Variants in SOX10 observed in about 807,000 individuals in gnomAD.
The protein encoded by SOX10 is transcription factor SOX-10.
A neutral mutation model predicts 35.0 loss-of-function variants in SOX10; 3 were observed. The ratio of observed to expected loss-of-function variants is 0.09; its 90% CI spans 0.04 to 0.22. The LOEUF (loss-of-function observed/expected upper bound fraction) is 0.22. Ranked by LOEUF, SOX10 falls within the 10% of genes least tolerant of loss-of-function variation. SOX10 has a pLI of 1.00. For synonymous variants in SOX10, 285 were observed against 291.0 expected (o/e 0.98, Z 0.21); for missense variants, 436 against 655.1 (o/e 0.67, Z 3.65).
At position 37,978,150 on chromosome 22, in the gene SOX10, G is replaced by A. The variant is rs1294713072; in HGVS notation, c.429-15C>T. 2.9e-5 allele frequency: 45 copies of A among 1,538,254 alleles called. No homozygotes were observed. Among genetic ancestry groups the A allele is most frequent in the Non-Finnish European group, 3.8e-5 (44 of 1,143,340 alleles). ...CGTTCAGCAGCCTGGGGTGTGGTGGGAGGCGGAGAGGACAGCAGAGGGGCT... is the reference window on the plus strand; with the variant it reads ...CGTTCAGCAGCCTGGGGTGTGGTGGAAGGCGGAGAGGACAGCAGAGGGGCT... On this transcript the variant is annotated splice_polypyrimidine_tract_variant and intron_variant, in intron 2 of 3. Coordinates refer to ENST00000396884, the MANE Select transcript of SOX10 (RefSeq NM_006941.4). The surrounding 1 kb of genome is among the most constrained non-coding windows in gnomAD (Gnocchi z 5.0).
Position 37,983,902 on chromosome 22 carries a change from G to T in SOX10, c.-84-34C>A. On this transcript the variant is annotated intron_variant, in intron 1 of 3. Transcript: ENST00000396884. This position sits in a 1 kb window ranked among gnomAD's most constrained non-coding sequence, Gnocchi z 9.5. ...AAGGAGGGCGCGATGGAGCGGCCGCGCGCGCAGCCCCGAGGGCGGCCCGAG... is the reference window on the plus strand; with the variant it reads ...AAGGAGGGCGCGATGGAGCGGCCGCTCGCGCAGCCCCGAGGGCGGCCCGAG... 1.1e-6 allele frequency: 1 copy of T among 889,400 alleles called. No individual in the cohort carries two copies. The highest frequency in any genetic ancestry group is 1.5e-6 in the Non-Finnish European group (1 of 666,476). 55.1% of individuals were successfully genotyped at this position (889,400 alleles called of 1,614,324 possible). A position where few individuals can be genotyped will look rare whatever the true frequency, so the allele number is the denominator to read the frequency against.
Position 37,974,347 on chromosome 22 carries a change from G to GTTTTTTTTTTTTTTTTTTTT in SOX10, c.698-150_698-149insAAAAAAAAAAAAAAAAAAAA, listed in dbSNP as rs916489152. Reference sequence around the variant, plus strand: ...TTCACATTTTGGCAGCATGAGTCGGGTTTTTTTTTGTTTTTTTTTTTTGAG... The same window carrying GTTTTTTTTTTTTTTTTTTTT: ...TTCACATTTTGGCAGCATGAGTCGGGTTTTTTTTTTTTTTTTTTTTTTTTTTTTTGTTTTTTTTTTTTGAG... On this transcript the variant is annotated intron_variant, in intron 3 of 3. Transcript: ENST00000396884. This position sits in a 1 kb window ranked among gnomAD's most constrained non-coding sequence, Gnocchi z 5.4. The GTTTTTTTTTTTTTTTTTTTT allele has an allele frequency of 1.7e-6, 1 of 581,626 alleles. No homozygotes were observed. The highest frequency in any genetic ancestry group is 2.0e-5 in the African/African-American group (1 of 49,516). The allele number at this position is 581,626 out of a possible 1,614,324, so 36.0% of individuals were successfully genotyped here.
At chr22:37,981,334 C>CCT (rs2145774035) in intron 2 of SOX10, among the ~76,000 whole-genome samples, 1 of 152,316 alleles carries the variant, frequency 6.6e-6, no homozygotes, top group South Asian at 2.1e-4. Context: ...AGGGAGCCAC[C>CCT]CTCTGTTGGC....
In SOX10 at chr22:37,983,267, C is replaced by T. The variant is rs2145776686; in HGVS notation, c.428+90G>A. 3 of 1,432,198 alleles carry T rather than the reference C, an allele frequency of 2.1e-6. No individual in the cohort carries two copies. The East Asian group carries it at 7.4e-5, about 35-fold the overall frequency. 88.7% of individuals were successfully genotyped at this position (1,432,198 alleles called of 1,614,324 possible). Reference sequence around the variant, plus strand: ...CAAGGAGGACTGCCAGACAGTCCCGCTCTGAGGTGCAGGAGGCCGGGCCGC... The same window carrying T: ...CAAGGAGGACTGCCAGACAGTCCCGTTCTGAGGTGCAGGAGGCCGGGCCGC... On this transcript the variant is annotated intron_variant, in intron 2 of 3. Coordinates refer to ENST00000396884, the MANE Select transcript of SOX10 (RefSeq NM_006941.4). This position sits in a 1 kb window ranked among gnomAD's most constrained non-coding sequence, Gnocchi z 9.5.
chr22:37,982,793 A>C (rs1932441556), intron 2 of SOX10, among the ~76,000 whole-genome samples: 1 of 152,146 alleles, frequency 6.6e-6, no homozygotes, highest in African/African-American at 2.4e-5. Context: ...GGCGTCAGAA[A>C]GTCCCAGGGA....
chr22:37,981,107 G>A (rs1262318728), intron 2 of SOX10, among the ~76,000 whole-genome samples: 2 of 152,210 alleles, frequency 1.3e-5, no homozygotes, highest in East Asian at 3.8e-4. Context: ...GCTCCAGTGT[G>A]TCTGATCCCA....
In SOX10 at chr22:37,980,006, C is replaced by T. The variant is rs1024515656; in HGVS notation, c.429-1871G>A. ...GTGGTCATGCCAGGCACCTCCTAGC[C>T]GGCAGCAGCATTCCTCTGCGGCTTA... On this transcript the variant is annotated intron_variant, in intron 2 of 3. Transcript: ENST00000396884. This position sits in a 1 kb window ranked among gnomAD's most constrained non-coding sequence, Gnocchi z 4.1. Among the ~76,000 whole-genome samples the T allele has an allele frequency of 3.3e-5, 5 of 152,124 alleles. No homozygotes were observed. The highest frequency in any genetic ancestry group is 1.3e-4 in the Admixed American group (2 of 15,272).
rs537184160 is a variant in SOX10, at chr22:37,973,858, T to C, written c.1038A>G (p.Ser346=). 36 of 1,608,084 alleles carry C rather than the reference T, an allele frequency of 2.2e-5. No homozygotes were observed. In the African/African-American group the frequency reaches 4.4e-4, roughly 20 times the overall value. ...KPPGVALPTV[S]PPGVDAKAQV... is the part of the protein sequence containing the mutation. ...GGGCTTTGGCATCCACACCAGGTGG[T>C]GAGACCGTGGGCAGAGCCACGCCTG... is the stretch of plus-strand genomic sequence containing the variant. The change falls in exon 4 of 4, where the codon TCA becomes TCG. Residue 346 remains serine (S), a synonymous_variant. Coordinates refer to ENST00000396884, the MANE Select transcript of SOX10 (RefSeq NM_006941.4).
chr22:37,973,025 A>C lies in SOX10; in HGVS notation c.*470T>G. On this transcript the variant is annotated 3_prime_UTR_variant, in exon 4 of 4. Transcript: ENST00000396884. ...GTGGGAGACACGGCCAGCTCCGGGC[A>C]CAGTCTCTGGGTGGCCTAGCCCTTA... The C allele has an allele frequency of 6.3e-6, 1 of 157,788 alleles. No homozygotes were observed. Among genetic ancestry groups the C allele is most frequent in the Non-Finnish European group, 1.4e-5 (1 of 71,712 alleles). 9.8% of individuals were successfully genotyped at this position (157,788 alleles called of 1,614,324 possible). A position where few individuals can be genotyped will look rare whatever the true frequency, so the allele number is the denominator to read the frequency against.
chr22:37,982,079 A>G (rs3026649), intron 2 of SOX10, among the ~76,000 whole-genome samples: 5,293 of 152,266 alleles, frequency 0.035, 296 homozygotes, highest in African/African-American at 0.12. Context: ...CTCCTCTGAC[A>G]AAGCCCTAAT....
In SOX10 at chr22:37,980,072, C is replaced by T. The variant is rs187744640; in HGVS notation, c.429-1937G>A. ...CCCCCCACCCCGGCCCTGAGCCCAGCCCTAGCCCCAGCTTTCTCAGAGGGT... is the reference window on the plus strand; with the variant it reads ...CCCCCCACCCCGGCCCTGAGCCCAGTCCTAGCCCCAGCTTTCTCAGAGGGT... On this transcript the variant is annotated intron_variant, in intron 2 of 3. Coordinates refer to ENST00000396884, the MANE Select transcript of SOX10 (RefSeq NM_006941.4). The surrounding 1 kb of genome is among the most constrained non-coding windows in gnomAD (Gnocchi z 4.1). 2.4e-3 allele frequency among the ~76,000 whole-genome samples: 367 copies of T among 152,310 alleles called. 1 individual carries two copies. Among genetic ancestry groups the T allele is most frequent in the African/African-American group, 8.5e-3 (353 of 41,564 alleles).
In SOX10 at chr22:37,973,945, G is replaced by A; in HGVS notation, c.951C>T (p.Gly317=). Residue 317 remains glycine (G), a synonymous_variant, in exon 4 of 4, where the codon GGC becomes GGT. Coordinates refer to ENST00000396884, the MANE Select transcript of SOX10 (RefSeq NM_006941.4). The stretch of plus-strand genomic sequence containing the variant: ...CGGCCAGGGCACTGCCCAGCCCATA[G>A]CCGGCTGCTGAGTAGCTGCTCACAT... ...PGHVSSYSAA[G]YGLGSALAVA... is the part of the protein sequence containing the mutation. 1 of 1,610,718 alleles carries A rather than the reference G, an allele frequency of 6.2e-7. No individual in the cohort carries two copies. The highest frequency in any genetic ancestry group is 8.5e-7 in the Non-Finnish European group (1 of 1,179,924).
In SOX10 at chr22:37,974,490, T is replaced by TGCC. The variant is rs1252703861; in HGVS notation, c.698-293_698-292insGGC. 1.3e-5 allele frequency among the ~76,000 whole-genome samples: 2 copies of TGCC among 151,904 alleles called. No individual in the cohort carries two copies. Among genetic ancestry groups the TGCC allele is most frequent in the Non-Finnish European group, 2.9e-5 (2 of 67,970 alleles). Reference sequence around the variant, plus strand: ...GCCTCAGCCTCCTGAGTAGCTGGAATTACAAGCGCCCACCACAATGCCCAG... The same window carrying TGCC: ...GCCTCAGCCTCCTGAGTAGCTGGAATGCCTACAAGCGCCCACCACAATGCCCAG... On this transcript the variant is annotated intron_variant, in intron 3 of 3. Coordinates refer to ENST00000396884, the MANE Select transcript of SOX10 (RefSeq NM_006941.4). The surrounding 1 kb of genome is among the most constrained non-coding windows in gnomAD (Gnocchi z 5.4).
Position 37,973,948 on chromosome 22 carries a change from G to A in SOX10, c.948C>T (p.Ala316=), listed in dbSNP as rs754568838. The A allele has an allele frequency of 2.1e-5, 34 of 1,610,820 alleles. No homozygotes were observed. Among genetic ancestry groups the A allele is most frequent in the Middle Eastern group, 1.6e-4 (1 of 6,074 alleles). The change falls in exon 4 of 4, where the codon GCC becomes GCT. Residue 316 remains alanine (A), a synonymous_variant. Coordinates refer to ENST00000396884, the MANE Select transcript of SOX10 (RefSeq NM_006941.4). ...HPGHVSSYSA[A]GYGLGSALAV... is the part of the protein sequence containing the mutation. ...CCAGGGCACTGCCCAGCCCATAGCC[G>A]GCTGCTGAGTAGCTGCTCACATGGC...
At chr22:37,981,255 G>T (rs1020037622) in intron 2 of SOX10, among the ~76,000 whole-genome samples, 2 of 152,234 alleles carry the variant, frequency 1.3e-5, no homozygotes, top group Admixed American at 6.5e-5. Flanking sequence ...GGTTTCAGGA[G>T]AAGCCCCTGG....
At position 37,983,314 on chromosome 22, in the gene SOX10, C is replaced by G; in HGVS notation, c.428+43G>C. The G allele has an allele frequency of 8.9e-6, 14 of 1,571,448 alleles. No homozygotes were observed. The highest frequency in any genetic ancestry group is 2.3e-5 in the East Asian group (1 of 42,828). ...CCGCCTCGGCTACCCTGAATCCACCCGAAGCTAGAGGGCCCGAGCCCGGGG... is the reference window on the plus strand; with the variant it reads ...CCGCCTCGGCTACCCTGAATCCACCGGAAGCTAGAGGGCCCGAGCCCGGGG... On this transcript the variant is annotated intron_variant, in intron 2 of 3. Coordinates refer to ENST00000396884, the MANE Select transcript of SOX10 (RefSeq NM_006941.4). This position sits in a 1 kb window ranked among gnomAD's most constrained non-coding sequence, Gnocchi z 9.5.
At position 37,978,251 on chromosome 22, in the gene SOX10, G is replaced by T; in HGVS notation, c.429-116C>A. ...TGGAAGATGTGAGGCCCTGGGATGG[G>T]GCACCCAGAGGACAGGACCCGGGGT... On this transcript the variant is annotated intron_variant, in intron 2 of 3. Transcript: ENST00000396884. The surrounding 1 kb of genome is among the most constrained non-coding windows in gnomAD (Gnocchi z 5.0). 1 of 1,147,300 alleles carries T rather than the reference G, an allele frequency of 8.7e-7. No homozygotes were observed. Among genetic ancestry groups the T allele is most frequent in the Non-Finnish European group, 1.2e-6 (1 of 838,074 alleles). The allele number at this position is 1,147,300 out of a possible 1,614,324, so 71.1% of individuals were successfully genotyped here.
rs1433289111 is a variant in SOX10 at position 37,972,988 on chromosome 22, C to G, written c.*507G>C. On this transcript the variant is annotated 3_prime_UTR_variant, in exon 4 of 4. Coordinates refer to ENST00000396884, the MANE Select transcript of SOX10 (RefSeq NM_006941.4). ...CCCAATGAGGCTCCTCAAAGCTACT[C>G]TCAGCCCCTGAGTGGGAGACACGGC... The G allele has an allele frequency of 6.4e-6, 1 of 156,768 alleles. No individual in the cohort carries two copies. The highest frequency in any genetic ancestry group is 1.4e-5 in the Non-Finnish European group (1 of 71,090). The allele number at this position is 156,768 out of a possible 1,614,324, so 9.7% of individuals were successfully genotyped here.
rs564076729 is a variant in SOX10 at position 37,980,903 on chromosome 22, G to A, written c.428+2454C>T. Among the ~76,000 whole-genome samples the A allele has an allele frequency of 6.6e-6, 1 of 152,308 alleles. No individual in the cohort carries two copies. Among genetic ancestry groups the A allele is most frequent in the South Asian group, 2.1e-4 (1 of 4,824 alleles). On this transcript the variant is annotated intron_variant, in intron 2 of 3. Transcript: ENST00000396884. The surrounding 1 kb of genome is among the most constrained non-coding windows in gnomAD (Gnocchi z 4.1). ...AGGGGCCTGTGGCACTGGGAACAGA[G>A]GCTGGGTGACCCCCACCACACAGGA... is the stretch of plus-strand genomic sequence containing the variant.
Sources: gnomAD v4.1 joint callset for allele counts (sites outside exome capture counted in the v4.1 genomes callset) on GRCh38, gnomAD v4.1.1 for gene constraint, Gnocchi (gnomAD v3.1) non-coding constraint, MANE v1.5 for transcripts, NCBI Gene and HGNC (gene_info 2026-07-23, HGNC 2026-07-21) for gene names.